Variants in ABCB5 observed in about 807,000 individuals in gnomAD.
The protein encoded by ABCB5 is ATP binding cassette subfamily B member 5.
A neutral mutation model predicts 144.2 loss-of-function variants in ABCB5; 155 were observed. The observed-to-expected ratio is 1.08, with a 90% CI of 0.94 to 1.23. The LOEUF (loss-of-function observed/expected upper bound fraction) is 1.23, where lower values mean the gene tolerates loss of function less well. Among genes scored for constraint, ABCB5 ranks in the 50% most tolerant of loss-of-function variants. The pLI, the probability that ABCB5 is intolerant of heterozygous loss-of-function variation, is 0.00. For missense variants in ABCB5, 1,830 were observed against 1,520.8 expected, an observed-to-expected ratio of 1.20 and a Z score of -3.38; for synonymous variants, 610 against 528.6, an observed-to-expected ratio of 1.15 and a Z score of -2.11.
Position 20,648,056 on chromosome 7 carries a change from A to T in ABCB5, c.1184A>T (p.Tyr395Phe). 1 of 1,601,022 alleles carries T rather than the reference A, an allele frequency of 6.2e-7. No homozygotes were observed. The highest frequency in any genetic ancestry group is 1.1e-5 in the South Asian group (1 of 90,588). The part of the protein sequence containing the change: ...TVEFKNVSFN[Y>F]PSRPSIKILK... ...GAATTTAAAAATGTTTCTTTCAATT[A>T]TCCATCAAGACCATCTATCAAGGTA... is the stretch of plus-strand genomic sequence containing the variant. Residue 395 changes from tyrosine to phenylalanine, a missense_variant, in exon 11 of 28, where the codon TAT (tyrosine) becomes TTT (phenylalanine). Transcript: ENST00000404938.
chr7:20,727,017 A>C, intron 21 of ABCB5, 23 bp from the exon 22 acceptor site: 1 of 1,524,070 alleles, frequency 6.6e-7, no homozygotes. Flanking sequence ...TTATTTCTAT[A>C]TTGTATTGTC....
chr7:20,674,137 A>C lies in ABCB5; in HGVS notation c.1708-7368A>C, dbSNP rs897171723. On this transcript the variant is annotated intron_variant, in intron 14 of 27. Coordinates refer to ENST00000404938, the MANE Select transcript of ABCB5 (RefSeq NM_001163941.2). ...AACTCCATGCCACATTGTAACTTTT[A>C]AAATTAATCATTAGTTTTTAAAAAA... Among the ~76,000 whole-genome samples, 4 of 151,982 alleles carry C rather than the reference A, an allele frequency of 2.6e-5. No homozygotes were observed. In the East Asian group the frequency reaches 7.7e-4, roughly 29 times the overall value.
At chr7:20,729,205 A>G (rs1016592355) in intron 23 of ABCB5, among the ~76,000 whole-genome samples, 24 of 152,314 alleles carry the variant, frequency 1.6e-4, no homozygotes, top group African/African-American at 5.5e-4. Flanking sequence ...ATACTGATAT[A>G]AGGCATAAAA....
Position 20,647,567 on chromosome 7 carries a change from C to A in ABCB5, c.1014C>A (p.Cys338Ter). Residue 338 changes from cysteine to a stop codon, truncating the protein, a stop_gained, in exon 10 of 28, where the codon TGC (cysteine) becomes TGA (stop). Coordinates refer to ENST00000404938, the MANE Select transcript of ABCB5 (RefSeq NM_001163941.2). LOFTEE classifies it high-confidence loss of function. ...TTAGTGTAATCCATAGCAGTTATTG[C>A]ATTGGAGCAGCAGTCCCTCACTTTG... is the stretch of plus-strand genomic sequence containing the variant. ...VFFSVIHSSY[C>*]IGAAVPHFET... 1 of 1,587,052 alleles carries A rather than the reference C, an allele frequency of 6.3e-7. No individual in the cohort carries two copies. The highest frequency in any genetic ancestry group is 1.2e-5 in the South Asian group (1 of 86,724).
rs548853560 is a variant in ABCB5, at chr7:20,671,395, G to A, written c.1708-10110G>A. Among the ~76,000 whole-genome samples, 35 of 152,166 alleles carry A rather than the reference G, an allele frequency of 2.3e-4. 1 individual carries two copies. Among genetic ancestry groups the A allele is most frequent in the East Asian group, 2.1e-3 (11 of 5,184 alleles). Reference sequence around the variant, plus strand: ...AACATATGATTGGAAAAATTTTGGCGTATATGTACACCAAAATCTAGATAG... The same window carrying A: ...AACATATGATTGGAAAAATTTTGGCATATATGTACACCAAAATCTAGATAG... On this transcript the variant is annotated intron_variant, in intron 14 of 27. Coordinates refer to ENST00000404938, the MANE Select transcript of ABCB5 (RefSeq NM_001163941.2).
chr7:20,755,062 G>C (rs546364069), intron 27 of ABCB5, among the ~76,000 whole-genome samples: 2 of 151,938 alleles, frequency 1.3e-5, no homozygotes, highest in African/African-American at 4.8e-5. Context: ...CGATTGTCCT[G>C]CCTCAGCCTC....
intron 14 of ABCB5, chr7:20,667,427 G>A: frequency 1.0e-6 from 1 of 985,534 alleles, no homozygotes; most frequent in Non-Finnish European, 1.2e-6. Flanking sequence ...AGGATACATG[G>A]AATTCTCAGA....
intron 12 of ABCB5, 73 bp downstream of exon 12, chr7:20,650,220 G>A: frequency 6.5e-7 from 1 of 1,546,438 alleles, no homozygotes; most frequent in Non-Finnish European, 8.7e-7. Context: ...TGGCAGCTCT[G>A]TAACTTTTCA....
intron 20 of ABCB5, among the ~76,000 whole-genome samples, chr7:20,705,842 A>T (rs1416883357): frequency 6.6e-6 from 1 of 151,818 alleles, no homozygotes; most frequent in South Asian, 2.1e-4. Context: ...CTCTTTGTTT[A>T]ATATACATCG....
rs1783972712 is a variant in ABCB5 at position 20,629,047 on chromosome 7, A to G, written c.259+209A>G. On this transcript the variant is annotated intron_variant, in intron 4 of 27. Transcript: ENST00000404938. ...GTCTATAATTGAATTAAAATAAATAAATAAATAAATAAGAAACAAAATCCC... is the reference window on the plus strand; with the variant it reads ...GTCTATAATTGAATTAAAATAAATAGATAAATAAATAAGAAACAAAATCCC... 2.0e-5 allele frequency among the ~76,000 whole-genome samples: 3 copies of G among 152,064 alleles called. No homozygotes were observed. The South Asian group carries it at 6.2e-4, about 32-fold the overall frequency.
At chr7:20,667,753 C>G (rs928188614) in intron 14 of ABCB5, among the ~76,000 whole-genome samples, 2 of 129,076 alleles carry the variant, frequency 1.5e-5, no homozygotes, top group South Asian at 3.1e-4. Flanking sequence ...GCCTCTGCCT[C>G]GTCTCCCTCT....
rs565268462 is a variant in ABCB5 at position 20,701,618 on chromosome 7, T to C, written c.2337+1483T>C. On this transcript the variant is annotated intron_variant, in intron 19 of 27. Transcript: ENST00000404938. ...TGGACATTAATCCTCTGTCTAGCAT[T>C]AGCCATGTGAATATTAGGACTGTAA... is the stretch of plus-strand genomic sequence containing the variant. Among the ~76,000 whole-genome samples the C allele has an allele frequency of 5.3e-5, 8 of 152,334 alleles. No individual in the cohort carries two copies. In the South Asian group the frequency reaches 1.7e-3, roughly 32 times the overall value.
At chr7:20,627,248 A>T (rs1384291307) in intron 3 of ABCB5, among the ~76,000 whole-genome samples, 3 of 152,018 alleles carry the variant, frequency 2.0e-5, no homozygotes, top group Non-Finnish European at 4.4e-5. Context: ...AAGTCAATTT[A>T]AAAAAAACTG....
intron 23 of ABCB5, among the ~76,000 whole-genome samples, 185 bp from the exon 24 acceptor site, chr7:20,738,798 G>A (rs1782468583): frequency 6.6e-6 from 1 of 152,202 alleles, no homozygotes; most frequent in African/African-American, 2.4e-5. Context: ...GGTGTACAGA[G>A]CAAGGAATGA....
chr7:20,705,348 C>T (rs17841821), intron 20 of ABCB5, among the ~76,000 whole-genome samples: 49 of 152,134 alleles, frequency 3.2e-4, no homozygotes, highest in African/African-American at 9.6e-4. Context: ...GATGGAATGA[C>T]CAGCATAATA....
chr7:20,686,625 C>T (rs76022765), intron 16 of ABCB5, among the ~76,000 whole-genome samples: 16,268 of 152,082 alleles, frequency 0.11, 1,249 homozygotes, highest in African/African-American at 0.21. Flanking sequence ...ACCCAGTCGA[C>T]CTTTGCTAGC....
intron 14 of ABCB5, chr7:20,666,896 T>C: frequency 7.5e-7 from 1 of 1,330,236 alleles, no homozygotes; most frequent in Non-Finnish European, 9.7e-7. Context: ...TCAGCTCAAA[T>C]TTTCCTGATC....
At position 20,665,768 on chromosome 7, in the gene ABCB5, G is replaced by GATAGATAGAGATACATAC. The variant is rs1562549609; in HGVS notation, c.1707+7095_1707+7096insGATAGAGATACATACATA. On this transcript the variant is annotated intron_variant, in intron 14 of 27. Transcript: ENST00000404938. The stretch of plus-strand genomic sequence containing the variant: ...ATAGATAGATAGATAGATAGATAGA[G>GATAGATAGAGATACATAC]ATACATACATACATACATACATACA... Among the ~76,000 whole-genome samples the GATAGATAGAGATACATAC allele has an allele frequency of 3.7e-4, 47 of 125,482 alleles. No homozygotes were observed. The South Asian group carries it at 4.8e-3, about 13-fold the overall frequency. 82.3% of individuals were successfully genotyped at this position (125,482 alleles called of 152,430 possible). A position where few individuals can be genotyped will look rare whatever the true frequency, so the allele number is the denominator to read the frequency against.
chr7:20,658,873 G>A (rs1416838142), intron 14 of ABCB5, among the ~76,000 whole-genome samples, 197 bp downstream of exon 14: 2 of 152,088 alleles, frequency 1.3e-5, no homozygotes, highest in Non-Finnish European at 2.9e-5. Flanking sequence ...GCTGTGGTTG[G>A]TTGGTGTAAA....
Sources: gnomAD v4.1 joint callset for allele counts (sites outside exome capture counted in the v4.1 genomes callset) on GRCh38, gnomAD v4.1.1 for gene constraint, MANE v1.5 for transcripts, NCBI Gene and HGNC (gene_info 2026-07-23, HGNC 2026-07-21) for gene names.